The following STX18 variants were observed in gnomAD, a reference collection of about 807,000 sequenced individuals.
STX18 encodes syntaxin-18.
In STX18, 40 loss-of-function variants were observed where a neutral mutation model predicts 50.1. The observed-to-expected ratio is 0.80, with a 90% confidence interval of 0.62 to 1.04. The LOEUF (loss-of-function observed/expected upper bound fraction) is 1.04. Among genes scored for constraint, STX18 ranks in the 50% least tolerant of loss-of-function variants. STX18 has a pLI of 0.00. For missense variants in STX18, 410 were observed against 415.8 expected, an observed-to-expected ratio of 0.99 and a Z score of 0.12; for synonymous variants, 158 against 151.8, an observed-to-expected ratio of 1.04 and a Z score of -0.30.
intron 2 of STX18, among the ~76,000 whole-genome samples, chr4:4,461,012 G>T (rs772523768): frequency 4.6e-5 from 7 of 152,124 alleles, no homozygotes; most frequent in Non-Finnish European, 1.0e-4. Context: ...AGTCAGAAAG[G>T]TACCAACTCA....
intron 1 of STX18, among the ~76,000 whole-genome samples, chr4:4,483,829 C>T (rs1180765644): frequency 6.6e-6 from 1 of 152,172 alleles, no homozygotes; most frequent in East Asian, 1.9e-4. Flanking sequence ...CTTCTCTCTT[C>T]TCCAAGCTAA....
intron 1 of STX18, among the ~76,000 whole-genome samples, chr4:4,497,541 T>G (rs1432423297): frequency 6.6e-6 from 1 of 152,218 alleles, no homozygotes; most frequent in Non-Finnish European, 1.5e-5. Flanking sequence ...CATTTAATTC[T>G]CATTAATGAC....
At chr4:4,478,285 T>C (rs747287922) in intron 1 of STX18, among the ~76,000 whole-genome samples, 13 of 150,830 alleles carry the variant, frequency 8.6e-5, no homozygotes, top group Non-Finnish European at 1.8e-4. Context: ...AGTTGGCTAC[T>C]ACTGTTCCTT....
chr4:4,538,690 A>C (rs1002346282), intron 1 of STX18, among the ~76,000 whole-genome samples: 2 of 152,114 alleles, frequency 1.3e-5, no homozygotes, highest in African/African-American at 4.8e-5. Flanking sequence ...GTAGGGTATT[A>C]TCACGTCCAC....
chr4:4,506,158 C>T (rs1025439316), intron 1 of STX18, among the ~76,000 whole-genome samples: 3 of 152,180 alleles, frequency 2.0e-5, no homozygotes, highest in Non-Finnish European at 4.4e-5. Context: ...TACCATTAAA[C>T]ATACACTCAC....
At chr4:4,439,622 C>T (rs1197740725) in intron 5 of STX18, among the ~76,000 whole-genome samples, 4 of 144,610 alleles carry the variant, frequency 2.8e-5, no homozygotes, top group Non-Finnish European at 6.0e-5. Flanking sequence ...AACATATATA[C>T]TCATACACAC....
chr4:4,497,426 A>G (rs559250103), intron 1 of STX18, among the ~76,000 whole-genome samples: 1 of 152,366 alleles, frequency 6.6e-6, no homozygotes, highest in Admixed American at 6.5e-5. Flanking sequence ...ACATGTGATT[A>G]AAACCGAAAA....
chr4:4,425,165 T>A lies in STX18; in HGVS notation c.760A>T (p.Arg254Trp), dbSNP rs1725182704. The A allele has an allele frequency of 6.2e-7, 1 of 1,613,812 alleles. No individual in the cohort carries two copies. The highest frequency in any genetic ancestry group is 1.7e-5 in the Admixed American group (1 of 60,006). The change falls in exon 8 of 11, where the codon AGG becomes TGG. Residue 254 changes from arginine to tryptophan, a missense_variant and splice_region_variant. By Grantham distance (101) the Arg-to-Trp change is moderately radical. Coordinates refer to ENST00000306200, the MANE Select transcript of STX18 (RefSeq NM_016930.4). ...GEMNSLFDEV[R>W]QIEGRVVEIS... ...CTCACAGAGGAGCTACAAACATACC[T>A]CACTTCATCAAACAAGCTGTTCATT...
At chr4:4,470,990 C>T (rs1415969047) in intron 2 of STX18, among the ~76,000 whole-genome samples, 1 of 152,068 alleles carries the variant, frequency 6.6e-6, no homozygotes, top group Non-Finnish European at 1.5e-5. Flanking sequence ...GACTTAGCCA[C>T]CAGAAGGAAT....
chr4:4,450,114 T>C (rs1300768026), intron 5 of STX18, among the ~76,000 whole-genome samples: 1 of 152,214 alleles, frequency 6.6e-6, no homozygotes, highest in African/African-American at 2.4e-5. Context: ...GCCTCCTCAG[T>C]GGCCAGAGCA....
intron 1 of STX18, among the ~76,000 whole-genome samples, chr4:4,503,938 T>A (rs115477514): frequency 6.6e-6 from 1 of 152,202 alleles, no homozygotes; most frequent in Non-Finnish European, 1.5e-5. Context: ...AAACTTACGA[T>A]AAAGAATTAT....
intron 2 of STX18, among the ~76,000 whole-genome samples, chr4:4,461,167 C>G (rs1431466906): frequency 1.3e-5 from 2 of 152,152 alleles, no homozygotes; most frequent in Admixed American, 1.3e-4. Context: ...TTTGATAAAA[C>G]TGATTATTTA....
Position 4,438,437 on chromosome 4 carries a change from A to C in STX18, c.570T>G (p.Pro190=). The C allele has an allele frequency of 6.2e-7, 1 of 1,613,914 alleles. No individual in the cohort carries two copies. The highest frequency in any genetic ancestry group is 8.5e-7 in the Non-Finnish European group (1 of 1,179,842). Residue 190 remains proline (P), a synonymous_variant, in exon 6 of 11, where the codon CCT becomes CCG. Coordinates refer to ENST00000306200, the MANE Select transcript of STX18 (RefSeq NM_016930.4). ...CAGGGTTTTCTTCAGAGTCTTTTGA[A>C]GGACTCTGTGAAACTTTCTCAGAAG... is the stretch of plus-strand genomic sequence containing the variant. ...STSSEKVSQS[P]SKDSEENPAT...
intron 2 of STX18, among the ~76,000 whole-genome samples, chr4:4,462,519 T>A (rs1727433126): frequency 6.6e-6 from 1 of 152,138 alleles, no homozygotes; most frequent in African/African-American, 2.4e-5. Flanking sequence ...TCAGTGTGCA[T>A]GAGTTGGCAA....
At chr4:4,494,971 C>G (rs1025991388) in intron 1 of STX18, among the ~76,000 whole-genome samples, 11 of 152,174 alleles carry the variant, frequency 7.2e-5, no homozygotes, top group Admixed American at 5.9e-4. Flanking sequence ...CCCTTCCCCA[C>G]CCTGCTCCAT....
At chr4:4,521,583 G>A (rs1348482074) in intron 1 of STX18, among the ~76,000 whole-genome samples, 1 of 151,932 alleles carries the variant, frequency 6.6e-6, no homozygotes, top group Non-Finnish European at 1.5e-5. Context: ...CATTGAGAGG[G>A]CTCAAACTAC....
intron 1 of STX18, among the ~76,000 whole-genome samples, chr4:4,479,771 A>G (rs997781108): frequency 1.3e-5 from 2 of 152,204 alleles, no homozygotes; most frequent in Non-Finnish European, 2.9e-5. Flanking sequence ...TGGTCCCTAC[A>G]TGAGATGCAT....
chr4:4,469,452 A>G (rs1577350744), intron 2 of STX18, among the ~76,000 whole-genome samples: 1 of 151,910 alleles, frequency 6.6e-6, no homozygotes, highest in East Asian at 1.9e-4. Flanking sequence ...CTTAAGGAGC[A>G]AGCAAGGTCA....
chr4:4,464,063 A>C (rs184819597), intron 2 of STX18, among the ~76,000 whole-genome samples: 159 of 152,330 alleles, frequency 1.0e-3, no homozygotes, highest in African/African-American at 3.5e-3. Context: ...TATATTCTCT[A>C]TCTTTGTGAC....
Sources: gnomAD v4.1 joint callset for allele counts (sites outside exome capture counted in the v4.1 genomes callset) on GRCh38, gnomAD v4.1.1 for gene constraint, MANE v1.5 for transcripts, NCBI Gene and HGNC (gene_info 2026-07-23, HGNC 2026-07-21) for gene names.